FHOD3: variants seen among roughly 807,000 people sequenced by gnomAD.
FHOD3 encodes the protein formin homology 2 domain containing 3, also known as FH1/FH2 domain-containing protein 3.
A neutral mutation model predicts 173.0 loss-of-function variants in FHOD3; 90 were observed. The observed-to-expected ratio is 0.52, with a 90% confidence interval of 0.44 to 0.62. The LOEUF (loss-of-function observed/expected upper bound fraction) is 0.62. Ranked by LOEUF, FHOD3 falls within the 20% of genes least tolerant of loss-of-function variation. The pLI, the probability that FHOD3 is intolerant of heterozygous loss-of-function variation, is 0.00. For missense variants in FHOD3, 1,945 were observed against 2,034.7 expected, an observed-to-expected ratio of 0.96 and a Z score of 0.85; for synonymous variants, 828 against 823.0, an observed-to-expected ratio of 1.01 and a Z score of -0.10.
At chr18:36,391,965 TA>T (rs1422683083) in intron 3 of FHOD3, among the ~76,000 whole-genome samples, 8 of 152,182 alleles carry the variant, frequency 5.3e-5, no homozygotes, top group Admixed American at 5.2e-4. Context: ...ATGGGGCATG[TA>T]AAGCACTTGT....
At chr18:36,625,938 C>T (rs1242809652) in intron 10 of FHOD3, among the ~76,000 whole-genome samples, 189 bp downstream of exon 10, 1 of 152,208 alleles carries the variant, frequency 6.6e-6, no homozygotes, top group East Asian at 1.9e-4. Flanking sequence ...TGGCCCCTGG[C>T]GACTTTTACA....
At position 36,779,461 on chromosome 18, in the gene FHOD3, G is replaced by A. The variant is rs773947391; in HGVS notation, c.4800G>A (p.Leu1600=). ...RANRKSLRRT[L]KSGLTPEEAR... Reference sequence around the variant, plus strand: ...CCACCACTGCAGTGCGAAGAACCCTGAAGAGCGGCCTGACCCCAGAAGAAG... The same window carrying A: ...CCACCACTGCAGTGCGAAGAACCCTAAAGAGCGGCCTGACCCCAGAAGAAG... Residue 1600 remains leucine, a synonymous_variant, in exon 29 of 29, where the codon CTG becomes CTA. Coordinates refer to ENST00000590592, the MANE Select transcript of FHOD3 (RefSeq NM_001281740.3). 6.2e-7 allele frequency: 1 copy of A among 1,614,078 alleles called. No individual in the cohort carries two copies. Among genetic ancestry groups the A allele is most frequent in the Admixed American group, 1.7e-5 (1 of 60,004 alleles).
intron 10 of FHOD3, among the ~76,000 whole-genome samples, chr18:36,648,773 G>A (rs2035853595): frequency 6.6e-6 from 1 of 152,158 alleles, no homozygotes. Flanking sequence ...GAAAATCAGG[G>A]GTGGCCATTC....
chr18:36,654,281 C>T (rs2036262523), intron 13 of FHOD3, among the ~76,000 whole-genome samples: 1 of 152,186 alleles, frequency 6.6e-6, no homozygotes, highest in African/African-American at 2.4e-5. Context: ...TTATGGGTAT[C>T]AGACCTTTCA....
chr18:36,586,462 G>C (rs2059031033), intron 6 of FHOD3, among the ~76,000 whole-genome samples: 1 of 151,292 alleles, frequency 6.6e-6, no homozygotes, highest in African/African-American at 2.4e-5. Flanking sequence ...GTATTCCTTA[G>C]TAAACAATAA....
chr18:36,314,356 A>G (rs1241625560), intron 1 of FHOD3, among the ~76,000 whole-genome samples: 2 of 152,244 alleles, frequency 1.3e-5, no homozygotes, highest in Admixed American at 1.3e-4. Context: ...ATCACCAGCC[A>G]TTTTATCAAT....
intron 3 of FHOD3, among the ~76,000 whole-genome samples, chr18:36,426,793 T>G (rs959632216): frequency 6.6e-6 from 1 of 152,266 alleles, no homozygotes; most frequent in African/African-American, 2.4e-5. Context: ...TCATTTAGTC[T>G]TTACAATCCT....
At chr18:36,493,539 G>A (rs1325116935) in intron 3 of FHOD3, among the ~76,000 whole-genome samples, 2 of 152,116 alleles carry the variant, frequency 1.3e-5, no homozygotes, top group African/African-American at 4.8e-5. Flanking sequence ...TAGGGAAATG[G>A]GCGTCACCCA....
chr18:36,712,040 AGCCAGTGTGAGTCAGC>A (rs2040197054), intron 18 of FHOD3, among the ~76,000 whole-genome samples: 1 of 152,208 alleles, frequency 6.6e-6, no homozygotes, highest in Non-Finnish European at 1.5e-5. Context: ...ATCTGCAATG[AGCCAGTGTGAGTCAGC>A]GCTCTTGCTG....
Position 36,492,648 on chromosome 18 carries a change from A to G in FHOD3, c.338-9284A>G, listed in dbSNP as rs184224845. On this transcript the variant is annotated intron_variant, in intron 3 of 28. Transcript: ENST00000590592. ...TAAAATGTGATTATAATCCAAGGGA[A>G]TTGGGATTTCAATAAGTTCTTCTTA... Among the ~76,000 whole-genome samples the G allele has an allele frequency of 2.0e-5, 3 of 152,260 alleles. No individual in the cohort carries two copies. The East Asian group carries it at 5.8e-4, about 29-fold the overall frequency.
chr18:36,354,730 C>G (rs746222020), intron 1 of FHOD3, among the ~76,000 whole-genome samples: 13 of 151,826 alleles, frequency 8.6e-5, no homozygotes, highest in South Asian at 6.2e-4. Context: ...TGCTTGAACC[C>G]GGGAGGCAGA....
intron 1 of FHOD3, among the ~76,000 whole-genome samples, chr18:36,331,792 C>T (rs1336072837): frequency 6.6e-6 from 1 of 152,018 alleles, no homozygotes; most frequent in East Asian, 1.9e-4. Context: ...TGGTGTGTGG[C>T]CATGCAGGGG....
chr18:36,344,722 A>G (rs2045797823), intron 1 of FHOD3, among the ~76,000 whole-genome samples: 1 of 152,198 alleles, frequency 6.6e-6, no homozygotes, highest in Non-Finnish European at 1.5e-5. Context: ...TTTTAAATTA[A>G]CAGTCTTTGA....
intron 26 of FHOD3, 113 bp downstream of exon 26, chr18:36,759,254 T>G (rs2042767953): frequency 8.5e-7 from 1 of 1,173,574 alleles, no homozygotes; most frequent in Non-Finnish European, 1.2e-6. Context: ...CTTTAAACAA[T>G]GCATGGACAT....
chr18:36,332,169 A>C (rs1013891513), intron 1 of FHOD3, among the ~76,000 whole-genome samples: 112 of 152,288 alleles, frequency 7.4e-4, no homozygotes, highest in African/African-American at 2.6e-3. Flanking sequence ...ATTATTGCAG[A>C]GTATGTATTG....
intron 3 of FHOD3, among the ~76,000 whole-genome samples, chr18:36,401,963 T>C (rs1367772365): frequency 6.6e-6 from 1 of 152,260 alleles, no homozygotes; most frequent in Non-Finnish European, 1.5e-5. Context: ...TGAACCCTTG[T>C]ATACAAGCAT....
intron 5 of FHOD3, among the ~76,000 whole-genome samples, chr18:36,559,139 A>G (rs972437186): frequency 1.3e-5 from 2 of 152,204 alleles, no homozygotes; most frequent in Non-Finnish European, 2.9e-5. Context: ...GGTCTTTGAC[A>G]GTATCCTTGA....
chr18:36,474,627 C>T (rs998076899), intron 3 of FHOD3, among the ~76,000 whole-genome samples: 1 of 152,088 alleles, frequency 6.6e-6, no homozygotes, highest in African/African-American at 2.4e-5. Flanking sequence ...TGGTGGGATA[C>T]AGAGTGAGGT....
intron 28 of FHOD3, 24 bp from the exon 29 acceptor site, chr18:36,779,424 G>A (rs1420528565): frequency 6.2e-7 from 1 of 1,611,948 alleles, no homozygotes; most frequent in Admixed American, 1.7e-5. Flanking sequence ...ATCCCTTTGG[G>A]TGTGACCTGC....
Sources: gnomAD v4.1 joint callset for allele counts (sites outside exome capture counted in the v4.1 genomes callset) on GRCh38, gnomAD v4.1.1 for gene constraint, MANE v1.5 for transcripts, NCBI Gene and HGNC (gene_info 2026-07-23, HGNC 2026-07-21) for gene names.